CGNL1: variants seen among roughly 807,000 people sequenced by gnomAD.
CGNL1 encodes the protein cingulin like 1, also known as cingulin-like protein 1.
A neutral mutation model predicts 141.2 loss-of-function variants in CGNL1; 132 were observed. The ratio of observed to expected loss-of-function variants is 0.93; its 90% CI spans 0.81 to 1.08. CGNL1 has a LOEUF of 1.08. CGNL1 is among the 50% of genes least tolerant of loss of function. The pLI is 0.00. For synonymous variants in CGNL1, 690 were observed against 622.1 expected, an observed-to-expected ratio of 1.11 and a Z score of -1.63; for missense variants, 1,870 against 1,588.6, an observed-to-expected ratio of 1.18 and a Z score of -3.01.
At chr15:57,417,748 C>T (rs753679217) in intron 1 of CGNL1, among the ~76,000 whole-genome samples, 2 of 151,990 alleles carry the variant, frequency 1.3e-5, no homozygotes, top group Non-Finnish European at 2.9e-5. Flanking sequence ...CAATATAGCC[C>T]CTGTTCTCAT....
chr15:57,508,629 C>T (rs1461861782), intron 8 of CGNL1, among the ~76,000 whole-genome samples: 1 of 152,248 alleles, frequency 6.6e-6, no homozygotes, highest in Non-Finnish European at 1.5e-5. Flanking sequence ...AGCGGCCTAA[C>T]GCCAAATCCC....
At chr15:57,541,296 A>G (rs1168601178) in intron 14 of CGNL1, among the ~76,000 whole-genome samples, 1 of 152,228 alleles carries the variant, frequency 6.6e-6, no homozygotes, top group African/African-American at 2.4e-5. Context: ...CCCTGGGCAC[A>G]TGAACAGAAC....
At chr15:57,414,740 A>G (rs965457603) in intron 1 of CGNL1, among the ~76,000 whole-genome samples, 3 of 152,202 alleles carry the variant, frequency 2.0e-5, no homozygotes, top group African/African-American at 7.2e-5. Flanking sequence ...CCACCCTACA[A>G]TCAAATGATT....
intron 14 of CGNL1, 149 bp downstream of exon 14, chr15:57,531,928 A>G: frequency 3.5e-6 from 2 of 564,810 alleles, no homozygotes; most frequent in South Asian, 2.6e-5. Context: ...CACCATAGTG[A>G]GCTTCTAGGA....
intron 8 of CGNL1, among the ~76,000 whole-genome samples, chr15:57,476,516 T>C (rs1055994453): frequency 2.0e-5 from 3 of 152,198 alleles, no homozygotes; most frequent in Non-Finnish European, 2.9e-5. Flanking sequence ...TAGATGTAAA[T>C]GGATTTAGGC....
chr15:57,454,523 G>A (rs1359414476), intron 7 of CGNL1, among the ~76,000 whole-genome samples: 1 of 152,080 alleles, frequency 6.6e-6, no homozygotes, highest in African/African-American at 2.4e-5. Context: ...AGAGATTTTA[G>A]GTCCTACTTT....
At chr15:57,439,981 GA>G (rs2063164829) in intron 2 of CGNL1, among the ~76,000 whole-genome samples, 1 of 152,080 alleles carries the variant, frequency 6.6e-6, no homozygotes, top group African/African-American at 2.4e-5. Context: ...AAAATTGAGT[GA>G]CTGGGTTAAT....
chr15:57,513,913 T>A (rs193291439), intron 8 of CGNL1, among the ~76,000 whole-genome samples: 1 of 152,200 alleles, frequency 6.6e-6, no homozygotes, highest in Non-Finnish European at 1.5e-5. Flanking sequence ...ACTGGCAAAC[T>A]GTTTTCCAAA....
At chr15:57,437,264 A>G (rs1297763318) in intron 1 of CGNL1, among the ~76,000 whole-genome samples, 6 of 152,228 alleles carry the variant, frequency 3.9e-5, no homozygotes, top group Non-Finnish European at 8.8e-5. Flanking sequence ...AATATTTTCC[A>G]GATCAATATG....
intron 1 of CGNL1, among the ~76,000 whole-genome samples, chr15:57,407,534 C>T (rs558829121): frequency 2.0e-5 from 3 of 151,918 alleles, no homozygotes; most frequent in Admixed American, 1.3e-4. Context: ...AATAACCGGG[C>T]GTGGTGTGCA....
intron 7 of CGNL1, among the ~76,000 whole-genome samples, chr15:57,460,627 G>C (rs996443814): frequency 3.9e-5 from 6 of 152,200 alleles, no homozygotes; most frequent in African/African-American, 1.4e-4. Context: ...GGCAACAGGA[G>C]AGAGAGTGAG....
chr15:57,459,932 G>T (rs137912434), intron 7 of CGNL1, among the ~76,000 whole-genome samples: 1 of 152,210 alleles, frequency 6.6e-6, no homozygotes, highest in Non-Finnish European at 1.5e-5. Flanking sequence ...CTTTGAATGT[G>T]TTAGTGCAGG....
intron 4 of CGNL1, among the ~76,000 whole-genome samples, chr15:57,450,783 A>G (rs181410286): frequency 2.6e-4 from 39 of 152,242 alleles, no homozygotes; most frequent in Admixed American, 2.4e-3. Context: ...TCTAGCTTTC[A>G]TAGTTTTTGC....
chr15:57,497,005 G>C (rs1595765770), intron 8 of CGNL1, among the ~76,000 whole-genome samples: 1 of 152,308 alleles, frequency 6.6e-6, no homozygotes, highest in East Asian at 1.9e-4. Flanking sequence ...ACGTTGTGTG[G>C]AAGCAGCACT....
chr15:57,490,083 C>G (rs1186683463), intron 8 of CGNL1, among the ~76,000 whole-genome samples: 1 of 151,930 alleles, frequency 6.6e-6, no homozygotes, highest in Non-Finnish European at 1.5e-5. Flanking sequence ...GTAGACTGGA[C>G]TTTTACACAT....
chr15:57,499,875 T>C (rs1224010914), intron 8 of CGNL1, among the ~76,000 whole-genome samples: 1 of 152,144 alleles, frequency 6.6e-6, no homozygotes, highest in Non-Finnish European at 1.5e-5. Flanking sequence ...ATGGAATAGG[T>C]AGACTGAATT....
chr15:57,410,553 G>T (rs1259904092), intron 1 of CGNL1, among the ~76,000 whole-genome samples: 1 of 152,150 alleles, frequency 6.6e-6, no homozygotes, highest in East Asian at 1.9e-4. Context: ...CTCTTTCTAG[G>T]CAGGCATTTT....
intron 8 of CGNL1, among the ~76,000 whole-genome samples, chr15:57,477,879 A>G (rs1165005926): frequency 6.6e-6 from 1 of 152,098 alleles, no homozygotes; most frequent in African/African-American, 2.4e-5. Flanking sequence ...CTGCTGCTGA[A>G]CTGGAGAGAA....
At chr15:57,452,788 G>T (rs1298939511) in intron 6 of CGNL1, among the ~76,000 whole-genome samples, 2 of 152,244 alleles carry the variant, frequency 1.3e-5, no homozygotes, top group East Asian at 3.9e-4. Context: ...TAAAAGCTGT[G>T]GCAAAGGAAT....
Sources: allele counts gnomAD v4.1 joint callset (sites outside exome capture counted in the v4.1 genomes callset), GRCh38; gene constraint gnomAD v4.1.1; transcripts MANE v1.5; gene names NCBI Gene and HGNC (gene_info 2026-07-23, HGNC 2026-07-21).